NPLOC4: variants seen among roughly 807,000 people sequenced by gnomAD.
NPLOC4 encodes the protein nuclear protein localization protein 4 homolog.
NPLOC4 carries 18 observed loss-of-function variants against 80.6 expected under a neutral mutation model. That is an observed-to-expected ratio of 0.22 (90% CI 0.15 to 0.33). The LOEUF is 0.33. NPLOC4 is among the 10% of genes least tolerant of loss of function. The probability of loss-of-function intolerance (pLI) is 1.00; values close to 1 mark genes in which losing one functional copy is unlikely to be tolerated. For synonymous variants in NPLOC4, 313 were observed against 301.5 expected (o/e 1.04, Z -0.39); for missense variants, 540 against 786.1 (o/e 0.69, Z 3.74).
At chr17:81,629,015 A>T (rs2035867204) in intron 2 of NPLOC4, among the ~76,000 whole-genome samples, 1 of 150,952 alleles carries the variant, frequency 6.6e-6, no homozygotes, top group Non-Finnish European at 1.5e-5. Context: ...AGCAGCTGGG[A>T]CTACAGGTGC....
At chr17:81,583,019 C>T (rs1038334566) in intron 12 of NPLOC4, among the ~76,000 whole-genome samples, 2 of 152,282 alleles carry the variant, frequency 1.3e-5, no homozygotes, top group Admixed American at 6.5e-5. Context: ...CGCCCATGTG[C>T]GCCAGCACAG....
At chr17:81,596,598 T>C (rs192205778) in intron 10 of NPLOC4, among the ~76,000 whole-genome samples, 68 of 152,166 alleles carry the variant, frequency 4.5e-4, no homozygotes, top group African/African-American at 1.6e-3. Context: ...AGAACCAAAC[T>C]ATAAAACTCA....
intron 2 of NPLOC4, among the ~76,000 whole-genome samples, chr17:81,622,999 A>G (rs1016545864): frequency 1.3e-5 from 2 of 151,946 alleles, no homozygotes; most frequent in Admixed American, 6.5e-5. Context: ...GTTCGAGACC[A>G]GCCTGACCAA....
At chr17:81,626,531 G>T (rs1246478299) in intron 2 of NPLOC4, among the ~76,000 whole-genome samples, 1 of 152,078 alleles carries the variant, frequency 6.6e-6, no homozygotes, top group Non-Finnish European at 1.5e-5. Context: ...GAAGACGGTG[G>T]AACGACAGCT....
At position 81,593,544 on chromosome 17, in the gene NPLOC4, A is replaced by C. The variant is rs2034806834; in HGVS notation, c.1120+2572T>G. ...GTCGGCAGCCTACATTAACTATGTT[A>C]CCCATGAATTTTATTTCTGCATAGT... On this transcript the variant is annotated intron_variant, in intron 11 of 16. Coordinates refer to ENST00000331134, the MANE Select transcript of NPLOC4 (RefSeq NM_017921.4). Among the ~76,000 whole-genome samples the C allele has an allele frequency of 2.6e-5, 4 of 152,034 alleles. No homozygotes were observed. In the South Asian group the frequency reaches 6.2e-4, roughly 24 times the overall value.
rs757782108 is a variant in NPLOC4, at chr17:81,604,632, C to A, written c.750G>T (p.Gly250=). The change falls in exon 8 of 17, where the codon GGG becomes GGT. Residue 250 remains glycine, a synonymous_variant. Transcript: ENST00000331134. ...GCTCCGTGTACCGTCCGTATAAGTA[C>A]CCAAAATGCTGGTTCCCTGTCTTTC... ...FWRKTGNQHF[G]YLYGRYTEHK... The A allele has an allele frequency of 6.2e-7, 1 of 1,613,898 alleles. No individual in the cohort carries two copies. The highest frequency in any genetic ancestry group is 8.5e-7 in the Non-Finnish European group (1 of 1,179,854).
intron 1 of NPLOC4, among the ~76,000 whole-genome samples, chr17:81,635,285 G>A (rs955242195): frequency 2.0e-5 from 3 of 148,384 alleles, no homozygotes; most frequent in Non-Finnish European, 4.4e-5. Context: ...GTTGCAGTAA[G>A]CAGAGATCGC....
Position 81,577,708 on chromosome 17 carries a change from C to T in NPLOC4, c.1282-5620G>A, listed in dbSNP as rs1166428673. On this transcript the variant is annotated intron_variant, in intron 12 of 16. Coordinates refer to ENST00000331134, the MANE Select transcript of NPLOC4 (RefSeq NM_017921.4). This position sits in a 1 kb window ranked among gnomAD's most constrained non-coding sequence, Gnocchi z 4.3. ...CGTGCTGGCACCTGGACTCACCATC[C>T]TCCCACACAGACCCATGGCTCTACT... Among the ~76,000 whole-genome samples, 3 of 152,208 alleles carry T rather than the reference C, an allele frequency of 2.0e-5. No individual in the cohort carries two copies. Among genetic ancestry groups the T allele is most frequent in the Non-Finnish European group, 4.4e-5 (3 of 68,030 alleles).
In NPLOC4 at chr17:81,558,978, A is replaced by C. The variant is rs915457054; in HGVS notation, c.*281T>G. The C allele has an allele frequency of 2.8e-6, 1 of 357,078 alleles. No individual in the cohort carries two copies. The highest frequency in any genetic ancestry group is 6.2e-5 in the South Asian group (1 of 16,094). The allele number at this position is 357,078 out of a possible 1,614,324, so 22.1% of individuals were successfully genotyped here. A position where few individuals can be genotyped will look rare whatever the true frequency, so the allele number is the denominator to read the frequency against. On this transcript the variant is annotated 3_prime_UTR_variant, in exon 17 of 17. Transcript: ENST00000331134. ...CCACGTAGAGGCGAGAGGTCTTTCC[A>C]ACACGGCGGGGGACTTGTCAACAGG...
At chr17:81,632,312 A>G (rs1453773120) in intron 1 of NPLOC4, among the ~76,000 whole-genome samples, 1 of 140,660 alleles carries the variant, frequency 7.1e-6, no homozygotes, top group Non-Finnish European at 1.5e-5. Context: ...CAATTCCCTT[A>G]TTTCCTTTTT....
At chr17:81,624,712 A>T (rs951897066) in intron 2 of NPLOC4, among the ~76,000 whole-genome samples, 1 of 152,244 alleles carries the variant, frequency 6.6e-6, no homozygotes, top group East Asian at 1.9e-4. Context: ...AAAGGAAAAG[A>T]AACCTCAGAT....
chr17:81,631,515 G>A (rs1380370364), intron 1 of NPLOC4, among the ~76,000 whole-genome samples: 2 of 148,136 alleles, frequency 1.4e-5, no homozygotes, highest in Non-Finnish European at 3.0e-5. Flanking sequence ...ACTGGACAAA[G>A]GGCATTACTT....
intron 12 of NPLOC4, among the ~76,000 whole-genome samples, chr17:81,582,977 T>C (rs1049595464): frequency 6.6e-6 from 1 of 152,276 alleles, no homozygotes; most frequent in African/African-American, 2.4e-5. Flanking sequence ...GCCTCCTCCC[T>C]GCGGCGCCGC....
At position 81,564,105 on chromosome 17, in the gene NPLOC4, C is replaced by CACACACACACACACAG. The variant is rs762577157; in HGVS notation, c.1669+1399_1669+1400insCTGTGTGTGTGTGTGT. The CACACACACACACACAG allele has an allele frequency of 6.3e-4, 211 of 334,602 alleles. 1 individual carries two copies. Among genetic ancestry groups the CACACACACACACACAG allele is most frequent in the South Asian group, 2.4e-3 (111 of 46,044 alleles). 20.7% of individuals were successfully genotyped at this position (334,602 alleles called of 1,614,324 possible). On this transcript the variant is annotated intron_variant, in intron 16 of 16. Transcript: ENST00000331134. Reference sequence around the variant, plus strand: ...CAAAACACACACACACACACACACACACACACACACACAAAGAGCAGGGCG... The same window carrying CACACACACACACACAG: ...CAAAACACACACACACACACACACACACACACACACACACAGACACACACACACAAAGAGCAGGGCG...
Position 81,606,748 on chromosome 17 carries a change from C to T in NPLOC4, c.597G>A (p.Pro199=), listed in dbSNP as rs756694072. Residue 199 remains proline, a synonymous_variant, in exon 7 of 17, where the codon CCG becomes CCA. Transcript: ENST00000331134. ...KIKSGCEGHL[P]WPNGICTKCQ... ...ACTTAGTACAGATGCCATTCGGCCACGGGAGGTGCCCCTCGCACCCTGACT... is the reference window on the plus strand; with the variant it reads ...ACTTAGTACAGATGCCATTCGGCCATGGGAGGTGCCCCTCGCACCCTGACT... 25 of 1,613,646 alleles carry T rather than the reference C, an allele frequency of 1.5e-5. No individual in the cohort carries two copies. Among genetic ancestry groups the T allele is most frequent in the South Asian group, 3.3e-5 (3 of 91,064 alleles).
At chr17:81,579,064 G>A (rs577303661) in intron 12 of NPLOC4, among the ~76,000 whole-genome samples, 1 of 152,334 alleles carries the variant, frequency 6.6e-6, no homozygotes, top group Admixed American at 6.5e-5. Context: ...GGGGCCACAG[G>A]TGCACACAGC....
intron 11 of NPLOC4, among the ~76,000 whole-genome samples, chr17:81,593,853 C>T (rs1008109998): frequency 2.6e-5 from 4 of 152,116 alleles, no homozygotes; most frequent in Non-Finnish European, 5.9e-5. Flanking sequence ...GAGTCCCCCA[C>T]GACAGCACCC....
At chr17:81,632,085 C>T (rs1284159721) in intron 1 of NPLOC4, among the ~76,000 whole-genome samples, 1 of 151,994 alleles carries the variant, frequency 6.6e-6, no homozygotes, top group Non-Finnish European at 1.5e-5. Flanking sequence ...AGGCGATTCT[C>T]CTGTCTCAGC....
intron 12 of NPLOC4, among the ~76,000 whole-genome samples, chr17:81,578,458 A>T (rs2034358096): frequency 6.6e-6 from 1 of 152,124 alleles, no homozygotes; most frequent in Non-Finnish European, 1.5e-5. Context: ...CAACAGATAA[A>T]CGGTACGACT....
Sources: gnomAD v4.1 joint callset for allele counts (sites outside exome capture counted in the v4.1 genomes callset) on GRCh38, gnomAD v4.1.1 for gene constraint, Gnocchi (gnomAD v3.1) non-coding constraint, MANE v1.5 for transcripts, NCBI Gene and HGNC (gene_info 2026-07-23, HGNC 2026-07-21) for gene names.